Variants in OR2AT4 observed in about 807,000 individuals in gnomAD.
OR2AT4 encodes olfactory receptor 2AT4.
A neutral mutation model predicts 10.3 loss-of-function variants in OR2AT4; 6 were observed. That is an observed-to-expected ratio of 0.58 (90% CI 0.32 to 1.15). OR2AT4 has a LOEUF of 1.15. OR2AT4 is among the 50% of genes most tolerant of loss of function. The probability of loss-of-function intolerance (pLI) is 0.05; values close to 1 mark genes in which losing one functional copy is unlikely to be tolerated. For synonymous variants in OR2AT4, 145 were observed against 159.1 expected, an observed-to-expected ratio of 0.91 and a Z score of 0.67; for missense variants, 354 against 393.8, an observed-to-expected ratio of 0.90 and a Z score of 0.85.
At chr11:75,088,613 C>A in exon 2 of OR2AT4, 1 of 829,596 alleles carries the variant, frequency 1.2e-6, no homozygotes, top group Non-Finnish European at 1.7e-6. Flanking sequence ...TCTTGAATTA[C>A]TAAGTAGTAA....
exon 2 of OR2AT4, chr11:75,088,587 T>C: frequency 1.5e-6 from 1 of 688,898 alleles, no homozygotes; most frequent in Non-Finnish European, 2.1e-6. Flanking sequence ...ATTTTTTTTT[T>C]ATTTTAGTAA....
intron 1 of OR2AT4, among the ~76,000 whole-genome samples, chr11:75,096,542 C>G (rs1949349604): frequency 6.6e-6 from 1 of 152,238 alleles, no homozygotes; most frequent in East Asian, 1.9e-4. Flanking sequence ...AATTCCCTCA[C>G]AAATTATTCC....
At chr11:75,087,001 T>A (rs1321267173) in exon 2 of OR2AT4, 1 of 152,152 alleles carries the variant, frequency 6.6e-6, no homozygotes, top group Non-Finnish European at 1.5e-5. Flanking sequence ...GCCATATGCA[T>A]TTAAATTTAC....
At chr11:75,087,363 G>T (rs1949296020) in exon 2 of OR2AT4, 1 of 152,072 alleles carries the variant, frequency 6.6e-6, no homozygotes, top group Admixed American at 6.5e-5. Context: ...AATGGTTTTG[G>T]TTATACGAAC....
chr11:75,094,631 C>G (rs531844547), intron 1 of OR2AT4, among the ~76,000 whole-genome samples: 1 of 152,206 alleles, frequency 6.6e-6, no homozygotes, highest in South Asian at 2.1e-4. Context: ...TGCCTGTGGT[C>G]TCACTACTCA....
At chr11:75,088,577 AT>A (rs538223922) in exon 2 of OR2AT4, 3,212 of 594,546 alleles carry the variant, frequency 5.4e-3, no homozygotes, top group Non-Finnish European at 6.1e-3. Context: ...TGCCATGAAG[AT>A]TTTTTTTTTA....
At chr11:75,088,803 G>C in exon 2 of OR2AT4, 1 of 1,594,118 alleles carries the variant, frequency 6.3e-7, no homozygotes, top group Non-Finnish European at 8.6e-7. Flanking sequence ...GGTGATGGCT[G>C]CCTTTACATC....
At chr11:75,088,538 G>GT (rs1949300721) in exon 2 of OR2AT4, 4 of 389,588 alleles carry the variant, frequency 1.0e-5, no homozygotes, top group Non-Finnish European at 1.3e-5. Context: ...TTTTTTATTT[G>GT]TTTTTTGACT....
chr11:75,091,924 A>G (rs934491193), intron 1 of OR2AT4, among the ~76,000 whole-genome samples: 14 of 152,208 alleles, frequency 9.2e-5, no homozygotes, highest in African/African-American at 3.4e-4. Context: ...ACAATAATAA[A>G]TACAATACAA....
At chr11:75,092,323 T>C (rs1389774157) in intron 1 of OR2AT4, among the ~76,000 whole-genome samples, 3 of 152,246 alleles carry the variant, frequency 2.0e-5, no homozygotes, top group Non-Finnish European at 4.4e-5. Context: ...CTTAAACTTA[T>C]GACTTAGCAA....
At chr11:75,091,928 A>T (rs1052907460) in intron 1 of OR2AT4, among the ~76,000 whole-genome samples, 1 of 152,218 alleles carries the variant, frequency 6.6e-6, no homozygotes, top group African/African-American at 2.4e-5. Context: ...TAATAAATAC[A>T]ATACAAAGAG....
At chr11:75,089,066 A>G (rs1670864457) in exon 2 of OR2AT4, 1 of 1,613,886 alleles carries the variant, frequency 6.2e-7, no homozygotes, top group Non-Finnish European at 8.5e-7. Context: ...GCACCAGGAG[A>G]AGGGGGAGGA....
At chr11:75,084,403 T>C (rs1035058773) in exon 2 of OR2AT4, 4 of 152,218 alleles carry the variant, frequency 2.6e-5, no homozygotes. Flanking sequence ...GACAAATCCA[T>C]AATTATTGTT....
exon 2 of OR2AT4, chr11:75,084,503 C>T (rs984599518): frequency 1.3e-5 from 2 of 152,130 alleles, no homozygotes; most frequent in African/African-American, 2.4e-5. Flanking sequence ...TATCAAACAA[C>T]TAGACCTAAT....
exon 2 of OR2AT4, chr11:75,084,370 T>C (rs1002599979): frequency 3.3e-5 from 5 of 152,118 alleles, no homozygotes; most frequent in African/African-American, 1.2e-4. Context: ...TCTTACAAAC[T>C]GGTGAAATTG....
Position 75,092,718 on chromosome 11 carries a change from G to C in OR2AT4, c.-651-2354C>G, listed in dbSNP as rs567728551. Among the ~76,000 whole-genome samples, 7 of 151,986 alleles carry C rather than the reference G, an allele frequency of 4.6e-5. No individual in the cohort carries two copies. The East Asian group carries it at 1.2e-3, about 25-fold the overall frequency. ...CCTAATACTTTGGGAGGCTGAGGCA[G>C]GCAGATCACAGGAGTTTGAGACCAG... is the stretch of plus-strand genomic sequence containing the variant. On this transcript the variant is annotated intron_variant, in intron 1 of 1. Coordinates refer to ENST00000641504, the Ensembl canonical transcript of OR2AT4.
rs1488431056 is a variant in OR2AT4 at position 75,096,226 on chromosome 11, T to C, written c.-652+602A>G. On this transcript the variant is annotated intron_variant, in intron 1 of 1. Coordinates refer to ENST00000641504, the Ensembl canonical transcript of OR2AT4. Reference sequence around the variant, plus strand: ...ATAAATATTTTGAGTATCTACTCTGTGTTTAGATAAATGAGAGATTCGAAG... The same window carrying C: ...ATAAATATTTTGAGTATCTACTCTGCGTTTAGATAAATGAGAGATTCGAAG... The C allele has an allele frequency of 2.0e-5, 3 of 152,342 alleles. No homozygotes were observed. In the South Asian group the frequency reaches 6.2e-4, roughly 32 times the overall value. 9.4% of individuals were successfully genotyped at this position (152,342 alleles called of 1,614,324 possible). A position where few individuals can be genotyped will look rare whatever the true frequency, so the allele number is the denominator to read the frequency against.
chr11:75,094,274 G>T (rs1384907976), intron 1 of OR2AT4, among the ~76,000 whole-genome samples: 1 of 151,836 alleles, frequency 6.6e-6, no homozygotes, highest in Non-Finnish European at 1.5e-5. Context: ...TGGAGAATCT[G>T]GAAGCTCAAA....
intron 1 of OR2AT4, among the ~76,000 whole-genome samples, chr11:75,095,637 T>C (rs945273742): frequency 6.6e-5 from 10 of 151,694 alleles, no homozygotes; most frequent in African/African-American, 2.2e-4. Flanking sequence ...CAAATAGGAA[T>C]GAAGGGGCCA....
Sources: allele counts gnomAD v4.1 joint callset (sites outside exome capture counted in the v4.1 genomes callset), GRCh38; gene constraint gnomAD v4.1.1; transcripts MANE v1.5; gene names NCBI Gene and HGNC (gene_info 2026-07-23, HGNC 2026-07-21).